MYO3B: variants seen among roughly 807,000 people sequenced by gnomAD.
MYO3B encodes myosin IIIB.
Under a neutral mutation model 174.6 loss-of-function variants are expected in MYO3B, and 156 were observed. That is an observed-to-expected ratio of 0.89 (90% CI 0.78 to 1.02). MYO3B has a LOEUF of 1.02. Ranked by LOEUF, MYO3B falls within the 50% of genes least tolerant of loss-of-function variation. The pLI is 0.00. For missense variants in MYO3B, 1,632 were observed against 1,639.4 expected, an observed-to-expected ratio of 1.00 and a Z score of 0.08; for synonymous variants, 563 against 569.1, an observed-to-expected ratio of 0.99 and a Z score of 0.15.
intron 32 of MYO3B, among the ~76,000 whole-genome samples, chr2:170,553,436 T>A (rs1424225589): frequency 6.6e-6 from 1 of 152,244 alleles, no homozygotes; most frequent in Non-Finnish European, 1.5e-5. Context: ...ACTACCCTGC[T>A]GGGTTTCAGA....
At chr2:170,467,037 T>G (rs541104772) in intron 25 of MYO3B, among the ~76,000 whole-genome samples, 1 of 152,226 alleles carries the variant, frequency 6.6e-6, no homozygotes, top group Admixed American at 6.5e-5. Context: ...CGGATTTGAA[T>G]GCACCCAAGC....
chr2:170,377,225 C>T (rs12473647), intron 9 of MYO3B, among the ~76,000 whole-genome samples: 47,183 of 152,158 alleles, frequency 0.31, 8,346 homozygotes, highest in African/African-American at 0.49. Context: ...AATGCAGATA[C>T]AGAGATTAAA....
At position 170,262,555 on chromosome 2, in the gene MYO3B, G is replaced by A. The variant is rs76902319; in HGVS notation, c.749+26419G>A. 1.5e-3 allele frequency among the ~76,000 whole-genome samples: 224 copies of A among 152,350 alleles called. 2 individuals carry two copies. Among genetic ancestry groups the A allele is most frequent in the African/African-American group, 5.2e-3 (216 of 41,582 alleles). Reference sequence around the variant, plus strand: ...AACAAGCAAATCAGCACAGGGCAGAGGATGGGACAATGAAGTAAGAGTTGG... The same window carrying A: ...AACAAGCAAATCAGCACAGGGCAGAAGATGGGACAATGAAGTAAGAGTTGG... On this transcript the variant is annotated intron_variant, in intron 7 of 34. Coordinates refer to ENST00000408978, the MANE Select transcript of MYO3B (RefSeq NM_138995.5).
At position 170,460,095 on chromosome 2, in the gene MYO3B, G is replaced by T. The variant is rs548793866; in HGVS notation, c.2731-3273G>T. On this transcript the variant is annotated intron_variant, in intron 23 of 34. Transcript: ENST00000408978. ...CCACAGTGCAGTGGCGGGCTGAAGG[G>T]CTCCTCAAGCGTGGCCAGAGTGGAT... 2.2e-3 allele frequency among the ~76,000 whole-genome samples: 331 copies of T among 152,290 alleles called. 4 individuals carry two copies. The highest frequency in any genetic ancestry group is 0.014 in the Middle Eastern group (4 of 294).
intron 9 of MYO3B, among the ~76,000 whole-genome samples, chr2:170,374,639 G>C (rs1484824679): frequency 1.3e-5 from 2 of 152,022 alleles, no homozygotes; most frequent in Non-Finnish European, 2.9e-5. Flanking sequence ...GCTTGAATTT[G>C]TAAGTCCCCT....
intron 7 of MYO3B, among the ~76,000 whole-genome samples, chr2:170,278,756 T>TC (rs569823773): frequency 2.0e-5 from 3 of 148,888 alleles, no homozygotes; most frequent in Non-Finnish European, 4.4e-5. Context: ...CTCTTCCTTA[T>TC]CCCCCTAACC....
At chr2:170,290,361 C>A (rs1169100882) in intron 7 of MYO3B, among the ~76,000 whole-genome samples, 2 of 152,100 alleles carry the variant, frequency 1.3e-5, no homozygotes, top group Non-Finnish European at 1.5e-5. Flanking sequence ...GAGAGCTCCA[C>A]TGTTGGGTGC....
At chr2:170,484,578 G>A (rs1685904444) in intron 25 of MYO3B, among the ~76,000 whole-genome samples, 1 of 152,148 alleles carries the variant, frequency 6.6e-6, no homozygotes, top group African/African-American at 2.4e-5. Flanking sequence ...CATTTATTAA[G>A]CACCTGTTGT....
chr2:170,434,474 C>T (rs1456972144), intron 22 of MYO3B, among the ~76,000 whole-genome samples: 1 of 152,134 alleles, frequency 6.6e-6, no homozygotes, highest in East Asian at 1.9e-4. Context: ...GCACGTGGCC[C>T]CTGCTGCTGT....
At chr2:170,377,516 C>G (rs2094303533) in intron 9 of MYO3B, among the ~76,000 whole-genome samples, 1 of 152,186 alleles carries the variant, frequency 6.6e-6, no homozygotes, top group South Asian at 2.1e-4. Context: ...CATTCCCACC[C>G]TACTTGATCC....
intron 6 of MYO3B, among the ~76,000 whole-genome samples, chr2:170,219,610 C>G (rs1337855092): frequency 6.6e-6 from 1 of 151,536 alleles, no homozygotes; most frequent in East Asian, 1.9e-4. Flanking sequence ...CACCACTGCA[C>G]TTCAGCCTGG....
At chr2:170,261,189 A>C (rs2093343297) in intron 7 of MYO3B, among the ~76,000 whole-genome samples, 1 of 152,006 alleles carries the variant, frequency 6.6e-6, no homozygotes, top group Non-Finnish European at 1.5e-5. Flanking sequence ...ACGCCCAGCT[A>C]ATTTTGTATT....
At chr2:170,202,258 C>A (rs1051010357) in intron 3 of MYO3B, among the ~76,000 whole-genome samples, 2 of 152,176 alleles carry the variant, frequency 1.3e-5, no homozygotes, top group Admixed American at 6.5e-5. Flanking sequence ...ATTATTCATA[C>A]CTCTGCAATA....
At chr2:170,427,804 T>C (rs1453845832) in intron 22 of MYO3B, among the ~76,000 whole-genome samples, 1 of 152,140 alleles carries the variant, frequency 6.6e-6, no homozygotes, top group Non-Finnish European at 1.5e-5. Context: ...AATGTGAAAA[T>C]TAGACTTGGA....
chr2:170,606,444 C>T (rs1228575054), intron 32 of MYO3B, among the ~76,000 whole-genome samples: 1 of 152,198 alleles, frequency 6.6e-6, no homozygotes, highest in African/African-American at 2.4e-5. Flanking sequence ...TTCAGAGAGG[C>T]CATCATCCAC....
At chr2:170,180,845 C>T (rs2092389963) in intron 1 of MYO3B, among the ~76,000 whole-genome samples, 1 of 152,124 alleles carries the variant, frequency 6.6e-6, no homozygotes, top group Admixed American at 6.6e-5. Flanking sequence ...TTTGTATTTA[C>T]ACAAAAATTG....
At chr2:170,393,294 A>G (rs538127724) in intron 16 of MYO3B, among the ~76,000 whole-genome samples, 1 of 151,710 alleles carries the variant, frequency 6.6e-6, no homozygotes, top group Admixed American at 6.6e-5. Context: ...ATGTTGGCCA[A>G]GCTGGTCTTG....
chr2:170,375,305 C>T (rs894433813), intron 9 of MYO3B, among the ~76,000 whole-genome samples: 4 of 152,120 alleles, frequency 2.6e-5, no homozygotes, highest in African/African-American at 7.2e-5. Flanking sequence ...AGTGAAACCA[C>T]TCTCTGGAAT....
chr2:170,318,282 T>A (rs760097071), intron 7 of MYO3B, among the ~76,000 whole-genome samples: 3 of 152,250 alleles, frequency 2.0e-5, no homozygotes, highest in Non-Finnish European at 4.4e-5. Context: ...CTGAAAAATC[T>A]GGTCTGTTTA....
Sources: gnomAD v4.1 joint callset for allele counts (sites outside exome capture counted in the v4.1 genomes callset) on GRCh38, gnomAD v4.1.1 for gene constraint, MANE v1.5 for transcripts, NCBI Gene and HGNC (gene_info 2026-07-23, HGNC 2026-07-21) for gene names.